The following FBN2 variants were observed in gnomAD, a reference collection of about 807,000 sequenced individuals.
The protein encoded by FBN2 is fibrillin-2.
FBN2 carries 105 observed loss-of-function variants against 355.6 expected under a neutral mutation model. The ratio of observed to expected loss-of-function variants is 0.30; its 90% CI spans 0.25 to 0.35. The LOEUF (loss-of-function observed/expected upper bound fraction) is 0.35, where lower values mean the gene tolerates loss of function less well. Among genes scored for constraint, FBN2 ranks in the 10% least tolerant of loss-of-function variants. The pLI, the probability that FBN2 is intolerant of heterozygous loss-of-function variation, is 1.00. For synonymous variants in FBN2, 1,350 were observed against 1,301.2 expected, an observed-to-expected ratio of 1.04 and a Z score of -0.81; for missense variants, 3,280 against 3,758.7, an observed-to-expected ratio of 0.87 and a Z score of 3.33.
intron 62 of FBN2, 105 bp downstream of exon 62, chr5:128,271,894 A>T: frequency 7.3e-7 from 1 of 1,370,510 alleles, no homozygotes; most frequent in East Asian, 2.3e-5. Flanking sequence ...TAAAGTCTAA[A>T]ATTCAAAGGC....
At chr5:128,349,250 C>T (rs1412890383) in intron 23 of FBN2, 97 bp downstream of exon 23, 3 of 1,450,344 alleles carry the variant, frequency 2.1e-6, no homozygotes, top group Admixed American at 3.4e-5. Flanking sequence ...CAAGTTTTCT[C>T]AAGTACAAAC....
intron 5 of FBN2, among the ~76,000 whole-genome samples, chr5:128,518,637 T>C (rs1028557516): frequency 9.2e-5 from 14 of 152,338 alleles, no homozygotes; most frequent in Admixed American, 2.0e-4. Context: ...CTGGAGGCTA[T>C]TGCTGGCCCA....
In FBN2 at chr5:128,259,370, T is replaced by G; in HGVS notation, c.*85A>C. On this transcript the variant is annotated 3_prime_UTR_variant, in exon 65 of 65. Coordinates refer to ENST00000262464, the MANE Select transcript of FBN2 (RefSeq NM_001999.4). Reference sequence around the variant, plus strand: ...AAACAAGAGTTATTATTATTTTTCCTCTTTAAAATTAGTCCTTGACTTTTC... The same window carrying G: ...AAACAAGAGTTATTATTATTTTTCCGCTTTAAAATTAGTCCTTGACTTTTC... 2 of 1,473,870 alleles carry G rather than the reference T, an allele frequency of 1.4e-6. No individual in the cohort carries two copies. The highest frequency in any genetic ancestry group is 2.3e-5 in the East Asian group (1 of 44,182). The allele number at this position is 1,473,870 out of a possible 1,614,324, so 91.3% of individuals were successfully genotyped here. A position where few individuals can be genotyped will look rare whatever the true frequency, so the allele number is the denominator to read the frequency against.
intron 13 of FBN2, among the ~76,000 whole-genome samples, chr5:128,377,226 A>G (rs1473780223): frequency 6.6e-6 from 1 of 152,220 alleles, no homozygotes; most frequent in Non-Finnish European, 1.5e-5. Context: ...TTTCATTAGT[A>G]GATGAATATG....
chr5:128,486,017 A>G (rs1755327822), intron 5 of FBN2, among the ~76,000 whole-genome samples: 1 of 152,208 alleles, frequency 6.6e-6, no homozygotes, highest in African/African-American at 2.4e-5. Flanking sequence ...TCATTTAAGT[A>G]CAGGATTTAT....
In FBN2 at chr5:128,291,301, ATT is replaced by A. The variant is rs1487606710; in HGVS notation, c.6292+226_6292+227del. ...GTCATTCTGATAAATCAGAATAAGA[ATT>A]TTTCTTTTAGTAAAAAAATTTATAA... On this transcript the variant is annotated intron_variant, in intron 49 of 64. Transcript: ENST00000262464. 2.6e-5 allele frequency among the ~76,000 whole-genome samples: 4 copies of A among 152,182 alleles called. No homozygotes were observed. The East Asian group carries it at 7.7e-4, about 29-fold the overall frequency.
intron 8 of FBN2, among the ~76,000 whole-genome samples, chr5:128,395,866 C>T (rs1481653651): frequency 1.3e-5 from 2 of 152,166 alleles, no homozygotes; most frequent in African/African-American, 4.8e-5. Context: ...TCCTATAGGC[C>T]ATTAGGAAAG....
intron 34 of FBN2, 168 bp downstream of exon 34, chr5:128,328,528 T>C: frequency 1.3e-6 from 1 of 752,574 alleles, no homozygotes; most frequent in Non-Finnish European, 2.3e-6. Context: ...AAAGCCGCCA[T>C]CATCATTATT....
intron 5 of FBN2, among the ~76,000 whole-genome samples, chr5:128,473,239 G>A (rs1453936039): frequency 2.0e-5 from 3 of 152,144 alleles, no homozygotes; most frequent in Non-Finnish European, 4.4e-5. Flanking sequence ...GCCCAAGGAA[G>A]TCTGTACCCT....
intron 5 of FBN2, among the ~76,000 whole-genome samples, chr5:128,510,239 A>G (rs1756077603): frequency 6.6e-6 from 1 of 152,214 alleles, no homozygotes; most frequent in Admixed American, 6.5e-5. Flanking sequence ...CACTGACGAT[A>G]GCTGATGACC....
At position 128,394,083 on chromosome 5, in the gene FBN2, G is replaced by T. The variant is rs575438722; in HGVS notation, c.1232-715C>A. On this transcript the variant is annotated intron_variant, in intron 9 of 64. Transcript: ENST00000262464. ...TCTGCCCCTTTTTGTCTTACTAATA[G>T]ATTTTGGTATTTTATGACTTAGAGA... is the stretch of plus-strand genomic sequence containing the variant. Among the ~76,000 whole-genome samples the T allele has an allele frequency of 2.6e-5, 4 of 152,180 alleles. No homozygotes were observed. The South Asian group carries it at 8.3e-4, about 32-fold the overall frequency.
intron 55 of FBN2, 134 bp from the exon 56 acceptor site, chr5:128,280,451 G>A (rs1162011974): frequency 1.2e-5 from 8 of 680,248 alleles, no homozygotes; most frequent in African/African-American, 3.6e-5. Flanking sequence ...AAATGGTCAT[G>A]TGTGAATATT....
At chr5:128,472,638 GA>G (rs1466424431) in intron 5 of FBN2, among the ~76,000 whole-genome samples, 6 of 151,830 alleles carry the variant, frequency 4.0e-5, no homozygotes, top group Non-Finnish European at 7.4e-5. Flanking sequence ...CTAAAAATAC[GA>G]AATTAGCTAG....
chr5:128,332,954 T>G lies in FBN2; in HGVS notation c.4180A>C (p.Ser1394Arg). ...CLNIPGSFKC[S>R]CREGWIGNGI... ...TTTCCAATCCAGCCTTCTCTGCAGC[T>G]ACACTTGAAGCTTCCTGGGATATTC... Residue 1394 changes from serine (S) to arginine (R), a missense_variant, in exon 32 of 65, where the codon AGC becomes CGC. Ser to Arg is a moderately radical substitution (Grantham distance 110). Coordinates refer to ENST00000262464, the MANE Select transcript of FBN2 (RefSeq NM_001999.4). 2 of 1,613,966 alleles carry G rather than the reference T, an allele frequency of 1.2e-6. No individual in the cohort carries two copies. Among genetic ancestry groups the G allele is most frequent in the Non-Finnish European group, 1.7e-6 (2 of 1,179,864 alleles).
intron 7 of FBN2, among the ~76,000 whole-genome samples, chr5:128,422,453 T>C (rs1232501196): frequency 6.6e-6 from 1 of 152,110 alleles, no homozygotes; most frequent in Non-Finnish European, 1.5e-5. Context: ...TAGTGAGAAG[T>C]GACTAAAGAG....
chr5:128,347,074 A>C (rs1014806001), intron 23 of FBN2, among the ~76,000 whole-genome samples: 1 of 152,188 alleles, frequency 6.6e-6, no homozygotes, highest in Admixed American at 6.5e-5. Flanking sequence ...CAGCTAAGTA[A>C]GAATCTTCTC....
At chr5:128,314,568 A>G (rs1459291153) in intron 36 of FBN2, among the ~76,000 whole-genome samples, 1 of 152,126 alleles carries the variant, frequency 6.6e-6, no homozygotes, top group African/African-American at 2.4e-5. Context: ...CACCCACCTC[A>G]GCCTCCCAAA....
chr5:128,422,571 C>T (rs1454963914), intron 7 of FBN2, among the ~76,000 whole-genome samples: 1 of 152,050 alleles, frequency 6.6e-6, no homozygotes, highest in Non-Finnish European at 1.5e-5. Context: ...TAATTAATGG[C>T]AAGAGTTAAA....
chr5:128,294,664 T>C (rs1181128234), intron 48 of FBN2, among the ~76,000 whole-genome samples: 11 of 148,336 alleles, frequency 7.4e-5, no homozygotes, highest in African/African-American at 1.5e-4. Context: ...TCATGTCCTT[T>C]GCCCACTTTT....
Sources: gnomAD v4.1 joint callset for allele counts (sites outside exome capture counted in the v4.1 genomes callset) on GRCh38, gnomAD v4.1.1 for gene constraint, MANE v1.5 for transcripts, NCBI Gene and HGNC (gene_info 2026-07-23, HGNC 2026-07-21) for gene names.